ATRNL1: variants seen among roughly 807,000 people sequenced by gnomAD.
The protein encoded by ATRNL1 is attractin-like protein 1.
Under a neutral mutation model 182.7 loss-of-function variants are expected in ATRNL1, and 95 were observed. That is an observed-to-expected ratio of 0.52 (90% CI 0.44 to 0.62). The LOEUF is 0.62. Among genes scored for constraint, ATRNL1 ranks in the 20% least tolerant of loss-of-function variants. The pLI, the probability that ATRNL1 is intolerant of heterozygous loss-of-function variation, is 0.00. For synonymous variants in ATRNL1, 576 were observed against 568.3 expected (o/e 1.01, Z -0.19); for missense variants, 1,471 against 1,679.5 (o/e 0.88, Z 2.17).
intron 4 of ATRNL1, 101 bp from the exon 5 acceptor site, chr10:115,129,226 C>A: frequency 1.3e-6 from 1 of 762,422 alleles, no homozygotes; most frequent in South Asian, 1.8e-5. Context: ...CATTTATAAG[C>A]ACATAGGACA....
At chr10:115,639,274 T>A (rs1859081367) in intron 26 of ATRNL1, among the ~76,000 whole-genome samples, 1 of 152,160 alleles carries the variant, frequency 6.6e-6, no homozygotes, top group Non-Finnish European at 1.5e-5. Flanking sequence ...CTTCAAACTG[T>A]GAATTCTGTG....
intron 8 of ATRNL1, among the ~76,000 whole-genome samples, chr10:115,172,865 G>T (rs1847348668): frequency 6.7e-6 from 1 of 149,012 alleles, no homozygotes; most frequent in African/African-American, 2.5e-5. Flanking sequence ...ATGATATCCG[G>T]TACTTACTCA....
chr10:115,569,787 T>G (rs1335389807), intron 26 of ATRNL1, among the ~76,000 whole-genome samples: 1 of 138,570 alleles, frequency 7.2e-6, no homozygotes, highest in East Asian at 2.5e-4. Context: ...TTTTTTTTTT[T>G]TTTTAACAAT....
At chr10:115,652,657 G>A (rs1339762897) in intron 26 of ATRNL1, among the ~76,000 whole-genome samples, 4 of 151,930 alleles carry the variant, frequency 2.6e-5, no homozygotes, top group East Asian at 1.9e-4. Context: ...GTATATATTC[G>A]AGGTCTCATA....
At chr10:115,810,057 T>C (rs1555086593) in intron 27 of ATRNL1, among the ~76,000 whole-genome samples, 1 of 151,982 alleles carries the variant, frequency 6.6e-6, no homozygotes, top group Non-Finnish European at 1.5e-5. Context: ...TTGTGGATTT[T>C]ACTTAGTATA....
chr10:115,142,752 T>A (rs1010990981), intron 5 of ATRNL1, among the ~76,000 whole-genome samples: 1 of 152,022 alleles, frequency 6.6e-6, no homozygotes, highest in Admixed American at 6.6e-5. Flanking sequence ...CTTGGACAGG[T>A]TGGTAGCTAT....
intron 26 of ATRNL1, among the ~76,000 whole-genome samples, chr10:115,670,725 T>C (rs1449745356): frequency 6.6e-6 from 1 of 152,114 alleles, no homozygotes; most frequent in Non-Finnish European, 1.5e-5. Context: ...CTATAAAATA[T>C]ATTTCTTTAA....
chr10:115,272,290 G>C (rs1321023833), intron 13 of ATRNL1, among the ~76,000 whole-genome samples: 1 of 152,148 alleles, frequency 6.6e-6, no homozygotes, highest in Admixed American at 6.5e-5. Flanking sequence ...CGCCATAAGG[G>C]ATCTCTTGTA....
intron 13 of ATRNL1, among the ~76,000 whole-genome samples, chr10:115,273,762 G>A (rs1851977980): frequency 1.3e-5 from 2 of 152,180 alleles, no homozygotes. Flanking sequence ...GAAGTGATAG[G>A]TCAGACTGGG....
intron 15 of ATRNL1, among the ~76,000 whole-genome samples, chr10:115,289,644 C>T (rs1389368689): frequency 6.6e-6 from 1 of 152,044 alleles, no homozygotes; most frequent in Non-Finnish European, 1.5e-5. Flanking sequence ...AGAGATTGTC[C>T]TTTCCCCTAT....
intron 5 of ATRNL1, among the ~76,000 whole-genome samples, chr10:115,150,308 A>AT (rs143060065): frequency 0.026 from 3,699 of 143,056 alleles, 148 homozygotes; most frequent in African/African-American, 0.089. Flanking sequence ...GATCCTTTGT[A>AT]TTTTTTTTTT....
rs989608269 is a variant in ATRNL1, at chr10:115,093,522, C to T, written c.-229C>T. The T allele has an allele frequency of 1.5e-6, 1 of 672,428 alleles. No individual in the cohort carries two copies. The highest frequency in any genetic ancestry group is 1.5e-5 in the South Asian group (1 of 65,830). 41.7% of individuals were successfully genotyped at this position (672,428 alleles called of 1,614,324 possible). On this transcript the variant is annotated 5_prime_UTR_variant, in exon 1 of 29. Transcript: ENST00000355044. This position sits in a 1 kb window ranked among gnomAD's most constrained non-coding sequence, Gnocchi z 6.1. ...GGCTGTGGGGTCGGCCCGCTAAGGA[C>T]AAGGTCGGGAGACTGGGTGGCGATG...
intron 27 of ATRNL1, among the ~76,000 whole-genome samples, chr10:115,836,428 G>A (rs1950673370): frequency 6.6e-6 from 1 of 152,168 alleles, no homozygotes; most frequent in Non-Finnish European, 1.5e-5. Flanking sequence ...CACAAACTTG[G>A]TGGCTTAAAA....
intron 26 of ATRNL1, among the ~76,000 whole-genome samples, chr10:115,559,147 A>G (rs1263276789): frequency 6.6e-6 from 1 of 152,258 alleles, no homozygotes; most frequent in Non-Finnish European, 1.5e-5. Context: ...CTCATGAAGC[A>G]GGAACATTAT....
At chr10:115,726,489 C>T (rs1555060123) in intron 26 of ATRNL1, among the ~76,000 whole-genome samples, 1 of 152,092 alleles carries the variant, frequency 6.6e-6, no homozygotes, top group Non-Finnish European at 1.5e-5. Flanking sequence ...TAATGAATAT[C>T]ATAATTACAA....
chr10:115,592,378 A>G (rs1316319183), intron 26 of ATRNL1, among the ~76,000 whole-genome samples: 2 of 152,192 alleles, frequency 1.3e-5, no homozygotes, highest in East Asian at 3.8e-4. Flanking sequence ...TAATTCATAC[A>G]CCATACATTT....
chr10:115,612,509 G>A (rs1555019334), intron 26 of ATRNL1, among the ~76,000 whole-genome samples: 1 of 152,142 alleles, frequency 6.6e-6, no homozygotes, highest in African/African-American at 2.4e-5. Context: ...TGAGACAAGA[G>A]GAAGCTTTCA....
At chr10:115,381,416 GCCACC>G (rs1857990194) in intron 19 of ATRNL1, among the ~76,000 whole-genome samples, 1 of 77,380 alleles carries the variant, frequency 1.3e-5, no homozygotes, top group South Asian at 3.8e-4. Flanking sequence ...ACAGGCACAT[GCCACC>G]ATACCTGGCA....
intron 27 of ATRNL1, among the ~76,000 whole-genome samples, chr10:115,734,453 T>A (rs1483314531): frequency 2.6e-5 from 4 of 152,158 alleles, no homozygotes; most frequent in Non-Finnish European, 5.9e-5. Flanking sequence ...TTTGTATTTT[T>A]CCTAGATGTT....
Sources: gnomAD v4.1 joint callset for allele counts (sites outside exome capture counted in the v4.1 genomes callset) on GRCh38, gnomAD v4.1.1 for gene constraint, Gnocchi (gnomAD v3.1) non-coding constraint, MANE v1.5 for transcripts, NCBI Gene and HGNC (gene_info 2026-07-23, HGNC 2026-07-21) for gene names.